C1QTNF3: variants seen among roughly 807,000 people sequenced by gnomAD.
C1QTNF3 encodes the protein C1q and TNF related 3.
In C1QTNF3, 26 loss-of-function variants were observed where a neutral mutation model predicts 32.6. The observed-to-expected ratio is 0.80, with a 90% CI of 0.58 to 1.11. The LOEUF is 1.11. Among genes scored for constraint, C1QTNF3 ranks in the 50% least tolerant of loss-of-function variants. The pLI is 0.00. For missense variants in C1QTNF3, 362 were observed against 398.2 expected (o/e 0.91, Z 0.77); for synonymous variants, 155 against 146.0 (o/e 1.06, Z -0.44).
the C1QTNF3 span, among the ~76,000 whole-genome samples, chr5:34,211,475 T>C: frequency 6.6e-6 from 1 of 151,666 alleles, no homozygotes; most frequent in Non-Finnish European, 1.5e-5. Context: ...TGTGCCATGC[T>C]GGTGTGCTGC....
intron 4 of C1QTNF3, among the ~76,000 whole-genome samples, chr5:34,024,689 A>G (rs996236329): frequency 2.0e-5 from 3 of 152,234 alleles, no homozygotes; most frequent in African/African-American, 7.2e-5. Flanking sequence ...GAGTTTTTTA[A>G]TAAGAGCCTA....
Position 34,020,545 on chromosome 5 carries a change from C to T in C1QTNF3, c.*38G>A, listed in dbSNP as rs1754299020. The T allele has an allele frequency of 6.3e-7, 1 of 1,599,270 alleles. No individual in the cohort carries two copies. The highest frequency in any genetic ancestry group is 1.1e-5 in the South Asian group (1 of 90,062). On this transcript the variant is annotated 3_prime_UTR_variant, in exon 6 of 6. Coordinates refer to ENST00000382065, the MANE Select transcript of C1QTNF3 (RefSeq NM_181435.6). ...AGATCGTAACAAATCAGCTCAGCTACAAGTCTTCCCCAAAGTGGAGCTATT... is the reference window on the plus strand; with the variant it reads ...AGATCGTAACAAATCAGCTCAGCTATAAGTCTTCCCCAAAGTGGAGCTATT...
At chr5:34,181,732 G>A in the C1QTNF3 span, among the ~76,000 whole-genome samples, 1 of 151,900 alleles carries the variant, frequency 6.6e-6, no homozygotes, top group African/African-American at 2.4e-5. Flanking sequence ...AGCGCCAGGT[G>A]TGAGCGCCCC....
At chr5:34,071,468 C>A in the C1QTNF3 span, among the ~76,000 whole-genome samples, 1 of 151,662 alleles carries the variant, frequency 6.6e-6, no homozygotes, top group African/African-American at 2.4e-5. Context: ...CTTGGATTTC[C>A]TCATAAAAAC....
chr5:34,065,414 C>A, the C1QTNF3 span, among the ~76,000 whole-genome samples: 2 of 152,088 alleles, frequency 1.3e-5, no homozygotes, highest in Non-Finnish European at 2.9e-5. Flanking sequence ...ATCTGTAATC[C>A]CAGCACTTTT....
the C1QTNF3 span, among the ~76,000 whole-genome samples, chr5:34,163,857 AAAC>A: frequency 1.3e-5 from 2 of 152,144 alleles, no homozygotes; most frequent in Admixed American, 6.6e-5. Context: ...TTGCCTATCC[AAAC>A]AACAATGAGA....
At chr5:34,205,644 C>T in the C1QTNF3 span, among the ~76,000 whole-genome samples, 1 of 151,802 alleles carries the variant, frequency 6.6e-6, no homozygotes, top group Non-Finnish European at 1.5e-5. Context: ...AACTGTGAGG[C>T]AATTAAAGCT....
At chr5:34,145,876 C>G in the C1QTNF3 span, among the ~76,000 whole-genome samples, 1 of 151,958 alleles carries the variant, frequency 6.6e-6, no homozygotes, top group East Asian at 1.9e-4. Context: ...ATATGATTCA[C>G]CACATAAACA....
the C1QTNF3 span, chr5:34,158,365 C>A: frequency 6.6e-6 from 1 of 152,108 alleles, no homozygotes; most frequent in Non-Finnish European, 1.5e-5. Flanking sequence ...CCGCGGCCTC[C>A]CAAAGTGCTG....
chr5:34,129,324 G>A, the C1QTNF3 span, among the ~76,000 whole-genome samples: 1 of 152,144 alleles, frequency 6.6e-6, no homozygotes, highest in Admixed American at 6.6e-5. Context: ...AGTGAAATAA[G>A]CCAGGCACAG....
chr5:34,188,676 A>G, the C1QTNF3 span, among the ~76,000 whole-genome samples: 1 of 152,354 alleles, frequency 6.6e-6, no homozygotes, highest in African/African-American at 2.4e-5. Flanking sequence ...TGTATCTAGA[A>G]AATAACTAAC....
chr5:34,213,369 G>A, the C1QTNF3 span, among the ~76,000 whole-genome samples: 4 of 151,908 alleles, frequency 2.6e-5, no homozygotes, highest in East Asian at 5.8e-4. Context: ...TAATGATTGC[G>A]TAAATATTTG....
At chr5:34,137,428 T>C in the C1QTNF3 span, among the ~76,000 whole-genome samples, 3 of 152,208 alleles carry the variant, frequency 2.0e-5, no homozygotes, top group East Asian at 5.8e-4. Flanking sequence ...ACAGCACACA[T>C]ATCCATTTAT....
chr5:34,020,842 T>A (rs1754311410), intron 5 of C1QTNF3, 100 bp from the exon 6 acceptor site: 9 of 1,263,358 alleles, frequency 7.1e-6, no homozygotes, highest in South Asian at 4.2e-5. Context: ...ACAGGTATAA[T>A]CCTGCGGCTA....
chr5:34,186,678 C>T, the C1QTNF3 span, among the ~76,000 whole-genome samples: 400 of 147,520 alleles, frequency 2.7e-3, no homozygotes, highest in African/African-American at 1.0e-2. Context: ...CACAGCATGT[C>T]AGCTCTCTCT....
At chr5:34,097,166 A>C in the C1QTNF3 span, among the ~76,000 whole-genome samples, 2 of 151,966 alleles carry the variant, frequency 1.3e-5, no homozygotes, top group African/African-American at 2.4e-5. Context: ...AAAATTCTGA[A>C]TATAAACTAT....
At chr5:34,231,898 G>T in the C1QTNF3 span, among the ~76,000 whole-genome samples, 2 of 142,694 alleles carry the variant, frequency 1.4e-5, no homozygotes, top group African/African-American at 5.3e-5. Context: ...TAGTGCTTCA[G>T]ACCCCAGAAT....
chr5:34,065,935 C>A, the C1QTNF3 span, among the ~76,000 whole-genome samples: 4 of 152,084 alleles, frequency 2.6e-5, no homozygotes. Flanking sequence ...AACCTAGGTG[C>A]CCATCAGTGA....
intron 1 of C1QTNF3, 58 bp from the exon 2 acceptor site, chr5:34,035,816 T>G: frequency 7.4e-7 from 1 of 1,344,042 alleles, no homozygotes; most frequent in Non-Finnish European, 1.0e-6. Flanking sequence ...AATTAGGATT[T>G]TTAAATTTCC....
Sources: gnomAD v4.1 joint callset for allele counts (sites outside exome capture counted in the v4.1 genomes callset) on GRCh38, gnomAD v4.1.1 for gene constraint, MANE v1.5 for transcripts, NCBI Gene and HGNC (gene_info 2026-07-23, HGNC 2026-07-21) for gene names.